Variants in TMEM132D observed in about 807,000 individuals in gnomAD.
TMEM132D encodes transmembrane protein 132D.
A neutral mutation model predicts 62.3 loss-of-function variants in TMEM132D; 21 were observed. The observed-to-expected ratio is 0.34, with a 90% confidence interval of 0.24 to 0.49. TMEM132D has a LOEUF of 0.49. TMEM132D is among the 20% of genes least tolerant of loss of function. The pLI, the probability that TMEM132D is intolerant of heterozygous loss-of-function variation, is 0.99. For missense variants in TMEM132D, 1,346 were observed against 1,402.8 expected (o/e 0.96, Z 0.65); for synonymous variants, 621 against 575.6 (o/e 1.08, Z -1.13).
At chr12:129,894,441 AG>A (rs1875036060) in intron 1 of TMEM132D, among the ~76,000 whole-genome samples, 1 of 152,194 alleles carries the variant, frequency 6.6e-6, no homozygotes, top group Admixed American at 6.5e-5. Context: ...AGAAACAAAG[AG>A]GGTCTGAAAG....
At chr12:129,519,610 C>CTTTT (rs35695419) in intron 3 of TMEM132D, among the ~76,000 whole-genome samples, 8 of 146,992 alleles carry the variant, frequency 5.4e-5, no homozygotes, top group African/African-American at 5.0e-5. Flanking sequence ...GATAAGAATG[C>CTTTT]TTTTTTTTTT....
chr12:129,080,899 C>G (rs1168856897), intron 7 of TMEM132D, among the ~76,000 whole-genome samples: 1 of 152,158 alleles, frequency 6.6e-6, no homozygotes, highest in African/African-American at 2.4e-5. Flanking sequence ...GCCACTGGTC[C>G]TCTCCGTCAC....
chr12:129,610,892 G>C (rs1338479759), intron 2 of TMEM132D, among the ~76,000 whole-genome samples: 1 of 152,174 alleles, frequency 6.6e-6, no homozygotes, highest in Non-Finnish European at 1.5e-5. Flanking sequence ...GTCTGACACT[G>C]CACAAACATT....
intron 1 of TMEM132D, among the ~76,000 whole-genome samples, chr12:129,750,714 G>T (rs1404928932): frequency 2.6e-5 from 4 of 152,166 alleles, no homozygotes; most frequent in African/African-American, 4.8e-5. Flanking sequence ...GAAGGGGTTG[G>T]TCAGCGGGTA....
chr12:129,473,712 T>C (rs1874172547), intron 3 of TMEM132D, among the ~76,000 whole-genome samples: 1 of 152,212 alleles, frequency 6.6e-6, no homozygotes, highest in South Asian at 2.1e-4. Flanking sequence ...TATAGAATAG[T>C]GTAAACATAA....
intron 2 of TMEM132D, among the ~76,000 whole-genome samples, chr12:129,572,036 G>A (rs563763008): frequency 6.6e-6 from 1 of 152,272 alleles, no homozygotes; most frequent in South Asian, 2.1e-4. Flanking sequence ...GACCTCATCC[G>A]CAGGTACTCA....
chr12:129,227,647 G>A (rs556663543), intron 4 of TMEM132D, among the ~76,000 whole-genome samples: 6 of 151,718 alleles, frequency 4.0e-5, no homozygotes, highest in African/African-American at 1.5e-4. Flanking sequence ...TGTGCACAAT[G>A]TGCAGGTTTG....
intron 4 of TMEM132D, among the ~76,000 whole-genome samples, chr12:129,254,445 G>T (rs1475314279): frequency 6.6e-6 from 1 of 152,124 alleles, no homozygotes; most frequent in Non-Finnish European, 1.5e-5. Context: ...CAAGTGACTT[G>T]GTTCAATCCC....
At position 129,654,860 on chromosome 12, in the gene TMEM132D, T is replaced by C. The variant is rs1028290320; in HGVS notation, c.968+44950A>G. On this transcript the variant is annotated intron_variant, in intron 2 of 8. Coordinates refer to ENST00000422113, the MANE Select transcript of TMEM132D (RefSeq NM_133448.3). ...AGCCCCTTCAAACAGAGAGAGAAAC[T>C]TCTAAAAACACAAACAAACGAACAC... Among the ~76,000 whole-genome samples the C allele has an allele frequency of 2.6e-5, 4 of 152,322 alleles. No individual in the cohort carries two copies. The South Asian group carries it at 8.3e-4, about 32-fold the overall frequency.
At chr12:129,481,327 G>A (rs1874422445) in intron 3 of TMEM132D, among the ~76,000 whole-genome samples, 1 of 152,034 alleles carries the variant, frequency 6.6e-6, no homozygotes, top group Non-Finnish European at 1.5e-5. Context: ...GCCGGGCGTG[G>A]TAAAGCACAT....
chr12:129,643,277 G>A (rs1000813670), intron 2 of TMEM132D, among the ~76,000 whole-genome samples: 3 of 152,084 alleles, frequency 2.0e-5, no homozygotes, highest in Non-Finnish European at 4.4e-5. Context: ...CTTCACCTAT[G>A]CTATATTGTG....
rs767288678 is a variant in TMEM132D, at chr12:129,078,713, G to A, written c.1936C>T (p.Leu646=). 6.2e-7 allele frequency: 1 copy of A among 1,614,014 alleles called. No individual in the cohort carries two copies. Among genetic ancestry groups the A allele is most frequent in the East Asian group, 2.2e-5 (1 of 44,882 alleles). Residue 646 remains leucine, a synonymous_variant, in exon 8 of 9, where the codon CTG becomes TTG. Coordinates refer to ENST00000422113, the MANE Select transcript of TMEM132D (RefSeq NM_133448.3). ...GMTTIQILSP[L]SDTILAEKTI... is the part of the protein sequence containing the mutation. ...TTTTCAGCGAGGATGGTGTCTGACA[G>A]AGGAGACAGGATCTGGAGGGCAGAA...
At chr12:129,620,553 T>A (rs561155767) in intron 2 of TMEM132D, among the ~76,000 whole-genome samples, 2 of 152,248 alleles carry the variant, frequency 1.3e-5, no homozygotes, top group African/African-American at 4.8e-5. Context: ...CAGCTAAGAT[T>A]GGGCCACTGC....
chr12:129,381,710 C>CTTTCT (rs59902160), intron 3 of TMEM132D, among the ~76,000 whole-genome samples: 3 of 151,666 alleles, frequency 2.0e-5, no homozygotes, highest in Non-Finnish European at 4.4e-5. Flanking sequence ...CTTTCTCTTT[C>CTTTCT]TTTTTTTCTG....
intron 5 of TMEM132D, among the ~76,000 whole-genome samples, chr12:129,176,265 G>A (rs1877902387): frequency 1.3e-5 from 2 of 152,148 alleles, no homozygotes; most frequent in South Asian, 2.1e-4. Flanking sequence ...CCTCACTGTT[G>A]GGATTATTAT....
chr12:129,712,409 C>T (rs1868405849), intron 1 of TMEM132D, among the ~76,000 whole-genome samples: 1 of 152,222 alleles, frequency 6.6e-6, no homozygotes, highest in African/African-American at 2.4e-5. Flanking sequence ...CCGGCGTGAG[C>T]CACTGCAACC....
chr12:129,312,055 G>A (rs774456503), intron 4 of TMEM132D, among the ~76,000 whole-genome samples: 2 of 152,178 alleles, frequency 1.3e-5, no homozygotes, highest in Non-Finnish European at 2.9e-5. Flanking sequence ...TGCTATAGAG[G>A]GAATGGACCA....
At position 129,713,228 on chromosome 12, in the gene TMEM132D, T is replaced by C. The variant is rs551909764; in HGVS notation, c.80-12530A>G. Among the ~76,000 whole-genome samples the C allele has an allele frequency of 7.9e-4, 120 of 152,242 alleles. 2 individuals carry two copies. Among genetic ancestry groups the C allele is most frequent in the African/African-American group, 2.9e-3 (119 of 41,546 alleles). ...CTCCAAAATATTTGCTTTAACAATA[T>C]CCCAAGAGTCTGATATGTGCTCAAG... is the stretch of plus-strand genomic sequence containing the variant. On this transcript the variant is annotated intron_variant, in intron 1 of 8. Coordinates refer to ENST00000422113, the MANE Select transcript of TMEM132D (RefSeq NM_133448.3).
intron 1 of TMEM132D, among the ~76,000 whole-genome samples, chr12:129,724,822 C>A (rs917378129): frequency 6.6e-6 from 1 of 152,184 alleles, no homozygotes; most frequent in African/African-American, 2.4e-5. Flanking sequence ...CGTGCCTGGC[C>A]TTGTGCTGTT....
Sources: gnomAD v4.1 joint callset for allele counts (sites outside exome capture counted in the v4.1 genomes callset) on GRCh38, gnomAD v4.1.1 for gene constraint, MANE v1.5 for transcripts, NCBI Gene and HGNC (gene_info 2026-07-23, HGNC 2026-07-21) for gene names.